Variants in SPINK1 observed in about 807,000 individuals in gnomAD.
SPINK1 encodes the protein serine protease inhibitor Kazal-type 1.
SPINK1 carries 5 observed loss-of-function variants against 9.5 expected under a neutral mutation model. The observed-to-expected ratio is 0.52, with a 90% CI of 0.27 to 1.10. The LOEUF is 1.10. SPINK1 is among the 50% of genes least tolerant of loss of function. The pLI, the probability that SPINK1 is intolerant of heterozygous loss-of-function variation, is 0.11. For synonymous variants in SPINK1, 37 were observed against 32.3 expected, an observed-to-expected ratio of 1.14 and a Z score of -0.49; for missense variants, 88 against 92.7, an observed-to-expected ratio of 0.95 and a Z score of 0.21.
At chr5:147,830,845 T>C (rs1477438668) in intron 1 of SPINK1, among the ~76,000 whole-genome samples, 1 of 152,176 alleles carries the variant, frequency 6.6e-6, no homozygotes, top group Admixed American at 6.5e-5. Flanking sequence ...GAGTTGTCTG[T>C]CAACATTGTC....
intron 2 of SPINK1, 89 bp downstream of exon 2, chr5:147,829,510 G>T: frequency 1.5e-6 from 2 of 1,290,564 alleles, no homozygotes. Flanking sequence ...TTAACTTCAG[G>T]CTAAACTGAA....
intron 1 of SPINK1, among the ~76,000 whole-genome samples, chr5:147,830,176 A>T (rs1021814838): frequency 2.6e-5 from 4 of 152,192 alleles, no homozygotes; most frequent in Non-Finnish European, 5.9e-5. Flanking sequence ...GAAAAAATAG[A>T]GTTCTTTTGC....
At chr5:147,832,799 T>G (rs1289216871), upstream of SPINK1, among the ~76,000 whole-genome samples, 1 of 152,174 alleles carries the variant, frequency 6.6e-6, no homozygotes, top group Non-Finnish European at 1.5e-5. Context: ...CAGGCTAACT[T>G]CTTAGCTTCC....
At chr5:147,835,515 T>C (rs1756581559), upstream of SPINK1, among the ~76,000 whole-genome samples, 1 of 152,118 alleles carries the variant, frequency 6.6e-6, no homozygotes, top group South Asian at 2.1e-4. Flanking sequence ...CAACCTTGTG[T>C]ACATTTTTTC....
At chr5:147,829,151 G>T (rs188832428) in intron 2 of SPINK1, among the ~76,000 whole-genome samples, 1 of 149,178 alleles carries the variant, frequency 6.7e-6, no homozygotes, top group Non-Finnish European at 1.5e-5. Flanking sequence ...ATATGAAAAG[G>T]TTAGAGTTAG....
At chr5:147,837,649 T>TTCCTTTCTTTCTTTC in the SPINK1 span, among the ~76,000 whole-genome samples, 2 of 107,032 alleles carry the variant, frequency 1.9e-5, no homozygotes, top group African/African-American at 7.3e-5. Flanking sequence ...CATTAACTTC[T>TTCCTTTCTTTCTTTC]TTTCTTTCTT....
the SPINK1 span, among the ~76,000 whole-genome samples, chr5:147,837,218 C>A: frequency 1.3e-5 from 2 of 152,130 alleles, no homozygotes. Context: ...ATCAAATACA[C>A]CAATAATTCT....
At chr5:147,838,079 C>T in the SPINK1 span, among the ~76,000 whole-genome samples, 1 of 152,078 alleles carries the variant, frequency 6.6e-6, no homozygotes, top group Non-Finnish European at 1.5e-5. Flanking sequence ...TTTATGAATG[C>T]CTCCCATCAG....
At chr5:147,831,972 G>A (rs1000064590), upstream of SPINK1, among the ~76,000 whole-genome samples, 1 of 152,212 alleles carries the variant, frequency 6.6e-6, no homozygotes, top group Non-Finnish European at 1.5e-5. Context: ...AGATGAGCAG[G>A]TATGGATAGC....
chr5:147,835,210 A>G (rs181132429), upstream of SPINK1, among the ~76,000 whole-genome samples: 44 of 152,260 alleles, frequency 2.9e-4, no homozygotes, highest in African/African-American at 9.9e-4. Flanking sequence ...AGTTTTCTCA[A>G]CTACAAAAAT....
At position 147,824,707 on chromosome 5, in the gene SPINK1, C is replaced by T; in HGVS notation, c.195-1G>A. 1 of 1,613,870 alleles carries T rather than the reference C, an allele frequency of 6.2e-7. No individual in the cohort carries two copies. Among genetic ancestry groups the T allele is most frequent in the African/African-American group, 1.3e-5 (1 of 75,004 alleles). ...AATGAGGATAGAAGTCTGGCGTTTCCTGCAGTAGAGATTAAAAAAAATATA... is the reference window on the plus strand; with the variant it reads ...AATGAGGATAGAAGTCTGGCGTTTCTTGCAGTAGAGATTAAAAAAAATATA... On this transcript the variant is annotated splice_acceptor_variant, in intron 3 of 3. Coordinates refer to ENST00000296695, the MANE Select transcript of SPINK1 (RefSeq NM_001379610.1). LOFTEE classifies it high-confidence loss of function.
At chr5:147,837,821 C>T in the SPINK1 span, among the ~76,000 whole-genome samples, 1 of 151,898 alleles carries the variant, frequency 6.6e-6, no homozygotes, top group Non-Finnish European at 1.5e-5. Flanking sequence ...CCTGCCTCAG[C>T]CTCCTGAGTA....
At chr5:147,830,372 A>G (rs1199798531) in intron 1 of SPINK1, among the ~76,000 whole-genome samples, 1 of 152,234 alleles carries the variant, frequency 6.6e-6, no homozygotes, top group Non-Finnish European at 1.5e-5. Flanking sequence ...TGGAAGGGAA[A>G]GGGAACTAAT....
At chr5:147,832,179 C>T (rs199662241), upstream of SPINK1, among the ~76,000 whole-genome samples, 3 of 152,066 alleles carry the variant, frequency 2.0e-5, no homozygotes, top group South Asian at 2.1e-4. Context: ...TTCCCTAAAG[C>T]GTGTATTCTG....
chr5:147,831,613 T>A lies in SPINK1; in HGVS notation c.-36A>T, dbSNP rs1304455167. The A allele has an allele frequency of 6.2e-7, 1 of 1,611,854 alleles. No homozygotes were observed. Among genetic ancestry groups the A allele is most frequent in the East Asian group, 2.2e-5 (1 of 44,692 alleles). ...CTGCGTCCAGAGGTCAGTTGAAAACTGCACCGCACTTACCACGTCTCTTCA... is the reference window on the plus strand; with the variant it reads ...CTGCGTCCAGAGGTCAGTTGAAAACAGCACCGCACTTACCACGTCTCTTCA... On this transcript the variant is annotated 5_prime_UTR_variant, in exon 1 of 4. Transcript: ENST00000296695.
In SPINK1 at chr5:147,831,592, G is replaced by A. The variant is rs148434824; in HGVS notation, c.-15C>T. On this transcript the variant is annotated 5_prime_UTR_variant, in exon 1 of 4. In the 5' UTR this introduces an upstream ATG that the reference lacks. Coordinates refer to ENST00000296695, the MANE Select transcript of SPINK1 (RefSeq NM_001379610.1). ...GTTACCTTCATGGCTGAAGTTCTGC[G>A]TCCAGAGGTCAGTTGAAAACTGCAC... The A allele has an allele frequency of 7.4e-5, 120 of 1,613,206 alleles. No individual in the cohort carries two copies. The highest frequency in any genetic ancestry group is 4.7e-4 in the Admixed American group (28 of 59,976).
intron 3 of SPINK1, 152 bp from the exon 4 acceptor site, chr5:147,824,858 C>T (rs759079494): frequency 4.3e-5 from 31 of 720,408 alleles, no homozygotes; most frequent in African/African-American, 8.9e-5. Context: ...TTCATTTATA[C>T]ATTCACTTAG....
At position 147,828,106 on chromosome 5, in the gene SPINK1, T is replaced by C. The variant is rs200142833; in HGVS notation, c.110A>G (p.Asn37Ser). 3.6e-5 allele frequency: 58 copies of C among 1,613,312 alleles called. No individual in the cohort carries two copies. The East Asian group carries it at 1.0e-3, about 29-fold the overall frequency. ...AGGGTCATATATCTTGGTGCATCCATTAAGTTCATTGTAACATTTGGCCTA... is the reference window on the plus strand; with the variant it reads ...AGGGTCATATATCTTGGTGCATCCACTAAGTTCATTGTAACATTTGGCCTA... ...GREAKCYNEL[N>S]GCTKIYDPVC... Residue 37 changes from asparagine to serine, a missense_variant, in exon 3 of 4, where the codon AAT (asparagine) becomes AGT (serine). By Grantham distance (46) the Asn-to-Ser change is conservative. Coordinates refer to ENST00000296695, the MANE Select transcript of SPINK1 (RefSeq NM_001379610.1).
At chr5:147,826,321 T>A (rs1200562511) in intron 3 of SPINK1, among the ~76,000 whole-genome samples, 4 of 152,200 alleles carry the variant, frequency 2.6e-5, no homozygotes, top group Admixed American at 2.6e-4. Flanking sequence ...CATTAGGAAA[T>A]ATGTTGTATT....
Sources: allele counts gnomAD v4.1 joint callset (sites outside exome capture counted in the v4.1 genomes callset), GRCh38; gene constraint gnomAD v4.1.1; transcripts MANE v1.5; gene names NCBI Gene and HGNC (gene_info 2026-07-23, HGNC 2026-07-21).